Variants in NDST3 observed in about 807,000 individuals in gnomAD.
NDST3 encodes the protein N-deacetylase and N-sulfotransferase 3, also known as bifunctional heparan sulfate N-deacetylase/N-sulfotransferase 3.
NDST3 carries 58 observed loss-of-function variants against 96.1 expected under a neutral mutation model. The ratio of observed to expected loss-of-function variants is 0.60; its 90% CI spans 0.49 to 0.75. The LOEUF (loss-of-function observed/expected upper bound fraction) is 0.75, where lower values mean the gene tolerates loss of function less well. Among genes scored for constraint, NDST3 ranks in the 30% least tolerant of loss-of-function variants. The pLI, the probability that NDST3 is intolerant of heterozygous loss-of-function variation, is 0.00. For missense variants in NDST3, 788 were observed against 1,034.2 expected (o/e 0.76, Z 3.27); for synonymous variants, 333 against 359.7 (o/e 0.93, Z 0.84).
chr4:118,104,525 T>C (rs1164488802), intron 2 of NDST3, among the ~76,000 whole-genome samples: 1 of 152,200 alleles, frequency 6.6e-6, no homozygotes, highest in African/African-American at 2.4e-5. Context: ...TCTACTTTAC[T>C]ATGATATCTC....
rs370997245 is a variant in NDST3 at position 118,140,744 on chromosome 4, A to G, written c.1410+2505A>G. 7.2e-5 allele frequency among the ~76,000 whole-genome samples: 11 copies of G among 152,218 alleles called. No homozygotes were observed. In the East Asian group the frequency reaches 9.6e-4, roughly 13 times the overall value. On this transcript the variant is annotated intron_variant, in intron 5 of 13. Transcript: ENST00000296499. The stretch of plus-strand genomic sequence containing the variant: ...AGGAGAAGTGCAGAGCAAACCGGGA[A>G]GAGCCCCTTATAAAATCATCAGGTC...
chr4:118,159,393 C>T (rs1402757546), intron 6 of NDST3, among the ~76,000 whole-genome samples: 1 of 152,166 alleles, frequency 6.6e-6, no homozygotes, highest in African/African-American at 2.4e-5. Context: ...GATGTATCCA[C>T]AGACTAGAGG....
intron 4 of NDST3, among the ~76,000 whole-genome samples, chr4:118,134,668 A>G (rs1274275512): frequency 6.6e-6 from 1 of 152,192 alleles, no homozygotes. Flanking sequence ...TGACATGGAG[A>G]AACCCTGCAG....
chr4:118,150,432 C>G (rs886880298), intron 6 of NDST3, among the ~76,000 whole-genome samples: 5 of 151,986 alleles, frequency 3.3e-5, no homozygotes, highest in Admixed American at 1.3e-4. Flanking sequence ...AAGAAACTAC[C>G]ATCAGAGTGA....
rs1240515965 is a variant in NDST3 at position 118,105,087 on chromosome 4, G to C, written c.1051G>C (p.Gly351Arg). ...TTTTACATTCAACCTGGGATTTTCA[G>C]GGAAATTTTACCATACAGGTAAGAA... ...TNFTFNLGFSGKFYHTGTEEE... is the reference protein window; with the variant it reads ...TNFTFNLGFSRKFYHTGTEEE... Residue 351 changes from glycine (G) to arginine (R), a missense_variant, in exon 3 of 14, where the codon GGG becomes CGG. Physicochemically the swap from Gly to Arg is moderately radical, Grantham distance 125. Coordinates refer to ENST00000296499, the MANE Select transcript of NDST3 (RefSeq NM_004784.3). The C allele has an allele frequency of 1.2e-6, 2 of 1,612,870 alleles. No individual in the cohort carries two copies. The highest frequency in any genetic ancestry group is 1.7e-6 in the Non-Finnish European group (2 of 1,179,164).
At chr4:118,170,446 C>T (rs933241986) in intron 6 of NDST3, among the ~76,000 whole-genome samples, 4 of 152,188 alleles carry the variant, frequency 2.6e-5, no homozygotes, top group South Asian at 2.1e-4. Context: ...CCATGGCTCA[C>T]GCCTGTAATC....
intron 2 of NDST3, among the ~76,000 whole-genome samples, chr4:118,094,867 A>T (rs1355904957): frequency 6.6e-6 from 1 of 151,872 alleles, no homozygotes; most frequent in African/African-American, 2.4e-5. Flanking sequence ...ATTCTATGAA[A>T]AAATAAAGCA....
chr4:118,153,920 A>C (rs933761647), intron 6 of NDST3, among the ~76,000 whole-genome samples: 2 of 152,158 alleles, frequency 1.3e-5, no homozygotes, highest in Admixed American at 6.6e-5. Flanking sequence ...TGAGTATGGA[A>C]ATAAACTAGA....
intron 8 of NDST3, among the ~76,000 whole-genome samples, chr4:118,232,044 A>G (rs1740334076): frequency 6.6e-6 from 1 of 151,154 alleles, no homozygotes; most frequent in Admixed American, 6.6e-5. Context: ...AAAGGGCACC[A>G]TTTTTTTTTC....
intron 8 of NDST3, among the ~76,000 whole-genome samples, chr4:118,229,861 GTATT>G (rs1220361557): frequency 1.3e-5 from 2 of 152,014 alleles, no homozygotes; most frequent in East Asian, 3.9e-4. Context: ...TGTATTTAAT[GTATT>G]TATTTATTGT....
intron 8 of NDST3, among the ~76,000 whole-genome samples, chr4:118,227,368 C>G (rs1739959596): frequency 6.6e-6 from 1 of 151,940 alleles, no homozygotes; most frequent in Non-Finnish European, 1.5e-5. Context: ...TAATAAATCC[C>G]TTCTAGAAAA....
chr4:118,093,030 T>G (rs62326092), intron 2 of NDST3, among the ~76,000 whole-genome samples: 140,556 of 151,498 alleles, frequency 0.93, 66,150 homozygotes, highest in East Asian at 1. Context: ...GCAGAGAAAA[T>G]AACAGCATGA....
intron 4 of NDST3, among the ~76,000 whole-genome samples, chr4:118,125,380 T>A (rs1490423195): frequency 2.6e-5 from 4 of 152,040 alleles, no homozygotes; most frequent in African/African-American, 9.7e-5. Context: ...AACAACATTG[T>A]CATCACAGAA....
intron 6 of NDST3, among the ~76,000 whole-genome samples, chr4:118,196,370 G>A (rs950411842): frequency 1.3e-5 from 2 of 152,034 alleles, no homozygotes; most frequent in Non-Finnish European, 2.9e-5. Context: ...AGTATGTGCT[G>A]GGAAGTAGTC....
rs750077547 is a variant in NDST3 at position 118,054,753 on chromosome 4, C to A, written c.843C>A (p.His281Gln). 9.3e-6 allele frequency: 15 copies of A among 1,613,292 alleles called. No homozygotes were observed. The South Asian group carries it at 1.6e-4, about 18-fold the overall frequency. ...GCAACAACTTGAACTTTTGGCTGCA[C>A]AAGCTCATCTTCATAGATGCCATCT... ...LFGNNLNFWL[H>Q]KLIFIDAISF... Residue 281 changes from histidine (H) to glutamine (Q), a missense_variant, in exon 2 of 14, where the codon CAC (histidine) becomes CAA (glutamine). Transcript: ENST00000296499.
At chr4:118,095,654 G>C (rs1249456921) in intron 2 of NDST3, among the ~76,000 whole-genome samples, 1 of 150,876 alleles carries the variant, frequency 6.6e-6, no homozygotes, top group African/African-American at 2.4e-5. Context: ...TCACAGTATT[G>C]TGCCACTACA....
At position 118,115,065 on chromosome 4, in the gene NDST3, G is replaced by A. The variant is rs1466469241; in HGVS notation, c.1224+105G>A. 7.7e-5 allele frequency: 95 copies of A among 1,233,338 alleles called. No homozygotes were observed. The East Asian group carries it at 2.3e-3, about 30-fold the overall frequency. 76.4% of individuals were successfully genotyped at this position (1,233,338 alleles called of 1,614,324 possible). A position where few individuals can be genotyped will look rare whatever the true frequency, so the allele number is the denominator to read the frequency against. ...GCGCTTTTCAGTGGCTTTTCCATATGATCATTTGGAATATTTTGGTATTGC... is the reference window on the plus strand; with the variant it reads ...GCGCTTTTCAGTGGCTTTTCCATATAATCATTTGGAATATTTTGGTATTGC... On this transcript the variant is annotated intron_variant, in intron 4 of 13. Coordinates refer to ENST00000296499, the MANE Select transcript of NDST3 (RefSeq NM_004784.3).
chr4:118,232,577 G>T (rs557461858), intron 8 of NDST3, among the ~76,000 whole-genome samples: 1 of 151,702 alleles, frequency 6.6e-6, no homozygotes, highest in Admixed American at 6.6e-5. Context: ...TGTCAAGGTT[G>T]TAGTGAGCCA....
At chr4:118,124,836 C>T (rs1047418552) in intron 4 of NDST3, among the ~76,000 whole-genome samples, 3 of 152,004 alleles carry the variant, frequency 2.0e-5, no homozygotes, top group African/African-American at 7.2e-5. Context: ...TCATTATTAA[C>T]ACCTTTAACA....
Sources: gnomAD v4.1 joint callset for allele counts (sites outside exome capture counted in the v4.1 genomes callset) on GRCh38, gnomAD v4.1.1 for gene constraint, MANE v1.5 for transcripts, NCBI Gene and HGNC (gene_info 2026-07-23, HGNC 2026-07-21) for gene names.